AQP7: variants seen among roughly 807,000 people sequenced by gnomAD.
The protein encoded by AQP7 is aquaporin 7.
Under a neutral mutation model 26.1 loss-of-function variants are expected in AQP7, and 22 were observed. That is an observed-to-expected ratio of 0.84 (90% confidence interval 0.60 to 1.20). The LOEUF is 1.20. AQP7 is among the 50% of genes most tolerant of loss of function. The pLI, the probability that AQP7 is intolerant of heterozygous loss-of-function variation, is 0.00. For missense variants in AQP7, 412 were observed against 457.5 expected (o/e 0.90, Z 0.91); for synonymous variants, 167 against 181.7 (o/e 0.92, Z 0.65).
rs371734275 is a variant in AQP7 at position 33,389,975 on chromosome 9, C to A, written c.145-2883G>T. On this transcript the variant is annotated intron_variant, in intron 3 of 7. Transcript: ENST00000297988. ...CCCAAGACGCGGAGCTTGCAGTGAG[C>A]CGAGATCACGCCACTACACTCCAGC... Among the ~76,000 whole-genome samples the A allele has an allele frequency of 8.0e-5, 12 of 149,738 alleles. 1 individual carries two copies. In the East Asian group the frequency reaches 1.2e-3, roughly 15 times the overall value.
chr9:33,385,605 C>T (rs140943510), intron 7 of AQP7, 44 bp downstream of exon 7: 1 of 1,605,196 alleles, frequency 6.2e-7, no homozygotes, highest in East Asian at 2.2e-5. Flanking sequence ...ACACAGGGGA[C>T]CCACAGAAAA....
intron 2 of AQP7, among the ~76,000 whole-genome samples, chr9:33,397,066 A>C (rs1825905382): frequency 6.9e-6 from 1 of 144,940 alleles, no homozygotes; most frequent in East Asian, 2.0e-4. Flanking sequence ...ACACCACTGC[A>C]CTCCAGCATG....
chr9:33,396,876 G>A (rs1416852548), intron 2 of AQP7, among the ~76,000 whole-genome samples: 2 of 151,296 alleles, frequency 1.3e-5, no homozygotes, highest in Admixed American at 1.3e-4. Context: ...CGAGCTGATC[G>A]CTTGAGCCCA....
chr9:33,402,031 A>C (rs1254098063), intron 1 of AQP7, among the ~76,000 whole-genome samples: 1 of 152,070 alleles, frequency 6.6e-6, no homozygotes, highest in Non-Finnish European at 1.5e-5. Flanking sequence ...GCTGTGGTCC[A>C]CTGCCGGTGG....
At chr9:33,399,003 C>G (rs1159222289) in intron 2 of AQP7, among the ~76,000 whole-genome samples, 1 of 146,552 alleles carries the variant, frequency 6.8e-6, no homozygotes, top group Non-Finnish European at 1.5e-5. Context: ...CAGGGTCTCA[C>G]TCTGTCGCCC....
In AQP7 at chr9:33,401,198, A is replaced by G. The variant is rs371696380; in HGVS notation, c.26+39T>C. The G allele has an allele frequency of 1.2e-4, 178 of 1,545,548 alleles. No homozygotes were observed. The African/African-American group carries it at 2.1e-3, about 18-fold the overall frequency. The stretch of plus-strand genomic sequence containing the variant: ...GGCACTGAAGTGGGCTGGGTGAAGG[A>G]CAGGGGGCTGGAGGGTGAGAAGAGG... On this transcript the variant is annotated intron_variant, in intron 2 of 7. Transcript: ENST00000297988.
chr9:33,395,437 A>G (rs1470319377), intron 2 of AQP7: 1 of 511,240 alleles, frequency 2.0e-6, no homozygotes. Context: ...GACCAGTAAA[A>G]ATGGCACACC....
Position 33,385,777 on chromosome 9 carries a change from C to T in AQP7, c.615G>A (p.Val205=). The change falls in exon 7 of 8, where the codon GTG becomes GTA. Residue 205 remains valine (V), a synonymous_variant. Transcript: ENST00000297988. ...NPALPGTEAL[V]IGILVVIIGV... ...CGATGATGACCACGAGGATGCCTAT[C>T]ACCAGCGCCTCTGTTCCTGGCAGTG... 1 of 1,613,488 alleles carries T rather than the reference C, an allele frequency of 6.2e-7. No individual in the cohort carries two copies. The highest frequency in any genetic ancestry group is 8.5e-7 in the Non-Finnish European group (1 of 1,179,996).
rs73478963 is a variant in AQP7 at position 33,385,830 on chromosome 9, C to T, written c.562G>A (p.Ala188Thr). 2.1e-4 allele frequency: 343 copies of T among 1,612,036 alleles called. 2 individuals are homozygous for T. The South Asian group carries it at 2.5e-3, about 12-fold the overall frequency. ...LTGMLQLCLF[A>T]ITDQENNPAL... ...GGGTTGTTCTCCTGGTCCGTGATGG[C>T]GAAGAGACACAGCTGGAGCATCCCG... Residue 188 changes from alanine to threonine, a missense_variant, in exon 7 of 8, where the codon GCC becomes ACC. Ala to Thr is a moderately conservative substitution (Grantham distance 58). Coordinates refer to ENST00000297988, the MANE Select transcript of AQP7 (RefSeq NM_001170.3).
chr9:33,400,280 A>G (rs1826168623), intron 2 of AQP7, among the ~76,000 whole-genome samples: 1 of 152,194 alleles, frequency 6.6e-6, no homozygotes, highest in Non-Finnish European at 1.5e-5. Flanking sequence ...AAAAAAACAG[A>G]GCAAGGAGAG....
intron 2 of AQP7, 140 bp downstream of exon 2, chr9:33,401,097 C>T (rs1388787927): frequency 8.8e-6 from 8 of 911,190 alleles, no homozygotes; most frequent in Admixed American, 2.1e-5. Flanking sequence ...ACCTCAGAGG[C>T]GAGTGGGTGG....
rs4008646 is a variant in AQP7, at chr9:33,395,518, A to G, written c.27-323T>C. ...ATCCACGGTGCCAACAAGCCTCTGGAAAAAAGCAGGGTGGGAGAGAGCAGG... is the reference window on the plus strand; with the variant it reads ...ATCCACGGTGCCAACAAGCCTCTGGGAAAAAGCAGGGTGGGAGAGAGCAGG... On this transcript the variant is annotated intron_variant, in intron 2 of 7. Transcript: ENST00000297988. 2.2e-4 allele frequency: 73 copies of G among 332,226 alleles called. 1 individual carries two copies. In the East Asian group the frequency reaches 4.8e-3, roughly 22 times the overall value. 20.6% of individuals were successfully genotyped at this position (332,226 alleles called of 1,614,324 possible). A position where few individuals can be genotyped will look rare whatever the true frequency, so the allele number is the denominator to read the frequency against.
In AQP7 at chr9:33,385,066, T is replaced by C. The variant is rs1824608154; in HGVS notation, c.968A>G (p.Asn323Ser). Residue 323 changes from asparagine to serine, a missense_variant, in exon 8 of 8, where the codon AAC (asparagine) becomes AGC (serine). Transcript: ENST00000297988. ...PLTPVSVSPA[N>S]RSSVHPAPPL... ...TGGGGCAGGGTGGACTGAAGATCTG[T>C]TGGCAGGGCTCACAGAGACGGGGGT... The C allele has an allele frequency of 1.2e-6, 2 of 1,611,784 alleles. No homozygotes were observed. Among genetic ancestry groups the C allele is most frequent in the East Asian group, 2.2e-5 (1 of 44,876 alleles).
In AQP7 at chr9:33,395,130, C is replaced by T; in HGVS notation, c.92G>A (p.Arg31Lys). The change falls in exon 3 of 8, where the codon AGG becomes AAG. Residue 31 changes from arginine (R) to lysine (K), a missense_variant. Arg to Lys is a conservative substitution (Grantham distance 26). Transcript: ENST00000297988. ...GGCCAGGAACTCTCGCACCATCTTCCTCTGCAGTATTTCCTGGATCTTTGC... is the reference window on the plus strand; with the variant it reads ...GGCCAGGAACTCTCGCACCATCTTCTTCTGCAGTATTTCCTGGATCTTTGC... ...VIAKIQEILQ[R>K]KMVREFLAEF... 1.2e-6 allele frequency: 2 copies of T among 1,613,992 alleles called. No individual in the cohort carries two copies. The highest frequency in any genetic ancestry group is 1.7e-6 in the Non-Finnish European group (2 of 1,179,868).
chr9:33,394,930 C>T, intron 3 of AQP7, 148 bp downstream of exon 3: 3 of 703,200 alleles, frequency 4.3e-6, no homozygotes, highest in South Asian at 3.7e-5. Context: ...ATGAGAAAGC[C>T]CCCCCTCCTT....
intron 2 of AQP7, among the ~76,000 whole-genome samples, chr9:33,399,817 G>A (rs1826122021): frequency 1.3e-5 from 2 of 152,070 alleles, no homozygotes; most frequent in African/African-American, 4.8e-5. Flanking sequence ...GCGGGTGGTG[G>A]CCTGACATGG....
chr9:33,400,486 GAA>G (rs1264847652), intron 2 of AQP7, among the ~76,000 whole-genome samples: 1 of 152,160 alleles, frequency 6.6e-6, no homozygotes, highest in Non-Finnish European at 1.5e-5. Flanking sequence ...AGAAAGCAAA[GAA>G]AGTCAGTGTG....
At chr9:33,390,662 C>G (rs1448207537) in intron 3 of AQP7, among the ~76,000 whole-genome samples, 2 of 151,894 alleles carry the variant, frequency 1.3e-5, no homozygotes, top group Non-Finnish European at 2.9e-5. Context: ...CAGGAGAGGA[C>G]AGGAACAGAT....
At chr9:33,386,266 A>G in intron 5 of AQP7, 71 bp from the exon 6 acceptor site, 1 of 1,608,178 alleles carries the variant, frequency 6.2e-7, no homozygotes, top group Non-Finnish European at 8.5e-7. Context: ...AAATGAGGTT[A>G]TAGGTTAGAG....
Sources: gnomAD v4.1 joint callset for allele counts (sites outside exome capture counted in the v4.1 genomes callset) on GRCh38, gnomAD v4.1.1 for gene constraint, MANE v1.5 for transcripts, NCBI Gene and HGNC (gene_info 2026-07-23, HGNC 2026-07-21) for gene names.